Variants in CCDC148 observed in about 807,000 individuals in gnomAD.
CCDC148 encodes the protein coiled-coil domain containing 148, also known as coiled-coil domain-containing protein 148.
In CCDC148, 89 loss-of-function variants were observed where a neutral mutation model predicts 85.7. The observed-to-expected ratio is 1.04, with a 90% CI of 0.87 to 1.24. The LOEUF (loss-of-function observed/expected upper bound fraction) is 1.24. Ranked by LOEUF, CCDC148 falls within the 50% of genes most tolerant of loss-of-function variation. CCDC148 has a pLI of 0.00. For missense variants in CCDC148, 692 were observed against 671.7 expected, an observed-to-expected ratio of 1.03 and a Z score of -0.33; for synonymous variants, 230 against 213.9, an observed-to-expected ratio of 1.08 and a Z score of -0.66.
At chr2:158,366,563 T>C (rs1684213179) in intron 1 of CCDC148, among the ~76,000 whole-genome samples, 1 of 152,178 alleles carries the variant, frequency 6.6e-6, no homozygotes, top group South Asian at 2.1e-4. Context: ...AGGACTCAGC[T>C]GCAGAGAAGA....
In CCDC148 at chr2:158,237,176, A is replaced by G. The variant is rs560757030; in HGVS notation, c.1251+13596T>C. On this transcript the variant is annotated intron_variant, in intron 10 of 13. Transcript: ENST00000283233. The stretch of plus-strand genomic sequence containing the variant: ...AGTAGGTTGCTTGGGCTGGAGCTCA[A>G]CGATGGGAAGAGGAGTAGGATATGA... Among the ~76,000 whole-genome samples the G allele has an allele frequency of 1.9e-4, 29 of 152,264 alleles. No homozygotes were observed. In the South Asian group the frequency reaches 6.0e-3, roughly 32 times the overall value.
At chr2:158,367,830 T>G (rs951975780) in intron 1 of CCDC148, among the ~76,000 whole-genome samples, 2 of 152,152 alleles carry the variant, frequency 1.3e-5, no homozygotes, top group Non-Finnish European at 2.9e-5. Flanking sequence ...TGAGGGCCTG[T>G]GAACTAAAGC....
intron 9 of CCDC148, among the ~76,000 whole-genome samples, chr2:158,292,615 G>A (rs1197977947): frequency 1.3e-5 from 2 of 152,120 alleles, no homozygotes; most frequent in Non-Finnish European, 2.9e-5. Flanking sequence ...ACTGCCTAAA[G>A]TTTCCCTAAT....
intron 1 of CCDC148, chr2:158,425,190 A>C (rs569014926): frequency 3.8e-6 from 2 of 530,580 alleles, no homozygotes; most frequent in Non-Finnish European, 3.8e-6. Flanking sequence ...TGCTGGGTAT[A>C]ACTATAGGAA....
intron 1 of CCDC148, among the ~76,000 whole-genome samples, chr2:158,361,334 G>T (rs576380930): frequency 6.6e-6 from 1 of 152,214 alleles, no homozygotes; most frequent in African/African-American, 2.4e-5. Flanking sequence ...ACACCACAAA[G>T]ATTTTGCTTG....
chr2:158,339,894 T>C (rs1212647346), intron 5 of CCDC148, among the ~76,000 whole-genome samples: 3 of 152,146 alleles, frequency 2.0e-5, no homozygotes, highest in Admixed American at 6.5e-5. Flanking sequence ...TAGAAGGACT[T>C]ATGTACTCAC....
chr2:158,429,611 T>C (rs1290945035), intron 1 of CCDC148, among the ~76,000 whole-genome samples: 1 of 152,064 alleles, frequency 6.6e-6, no homozygotes, highest in Non-Finnish European at 1.5e-5. Flanking sequence ...TAAACAAAAA[T>C]GTAAATTGTT....
intron 1 of CCDC148, among the ~76,000 whole-genome samples, chr2:158,433,085 A>ATAT (rs1553521565): frequency 4.3e-5 from 2 of 46,600 alleles, no homozygotes; most frequent in South Asian, 1.4e-3. Context: ...AAAAAAAAAA[A>ATAT]AAAAAAATAT....
intron 9 of CCDC148, among the ~76,000 whole-genome samples, chr2:158,276,750 T>C (rs1450729729): frequency 1.3e-5 from 2 of 152,202 alleles, no homozygotes; most frequent in Admixed American, 1.3e-4. Flanking sequence ...AAGAAGGCAT[T>C]TGATACGGTC....
intron 1 of CCDC148, among the ~76,000 whole-genome samples, chr2:158,373,970 T>A (rs1684552792): frequency 2.0e-5 from 3 of 152,072 alleles, no homozygotes; most frequent in Non-Finnish European, 2.9e-5. Flanking sequence ...CAATACATAT[T>A]TGCTGAAAGA....
chr2:158,261,003 T>TAA (rs70990701), intron 9 of CCDC148, among the ~76,000 whole-genome samples: 2 of 151,464 alleles, frequency 1.3e-5, no homozygotes, highest in Non-Finnish European at 2.9e-5. Context: ...TTCACAGAAC[T>TAA]AAAAAAACTA....
In CCDC148 at chr2:158,328,261, GTGTT is replaced by G. The variant is rs746050140; in HGVS notation, c.764+10461_764+10464del. ...TCCCACCTATGACTGAGAACATGCTGTGTTTGTTTTTTTGTCCTTGCAATAGTTT... is the reference window on the plus strand; with the variant it reads ...TCCCACCTATGACTGAGAACATGCTGTGTTTTTTTGTCCTTGCAATAGTTT... On this transcript the variant is annotated intron_variant, in intron 7 of 13. Transcript: ENST00000283233. Among the ~76,000 whole-genome samples the G allele has an allele frequency of 7.2e-5, 11 of 152,150 alleles. No individual in the cohort carries two copies. The East Asian group carries it at 1.2e-3, about 16-fold the overall frequency.
At chr2:158,177,753 G>A (rs1328820211) in intron 12 of CCDC148, among the ~76,000 whole-genome samples, 2 of 152,102 alleles carry the variant, frequency 1.3e-5, no homozygotes, top group Admixed American at 1.3e-4. Flanking sequence ...CAAAGAAGAT[G>A]ATGATATAAT....
At chr2:158,237,255 T>C (rs1249724981) in intron 10 of CCDC148, among the ~76,000 whole-genome samples, 3 of 152,164 alleles carry the variant, frequency 2.0e-5, no homozygotes, top group Non-Finnish European at 4.4e-5. Context: ...GGGCCCTGTA[T>C]GTCCCTTCTA....
chr2:158,440,026 T>A (rs972765734), intron 1 of CCDC148, among the ~76,000 whole-genome samples: 1 of 134,742 alleles, frequency 7.4e-6, no homozygotes, highest in Non-Finnish European at 1.7e-5. Context: ...ACCCAGATAT[T>A]TTTTTTTTTT....
intron 10 of CCDC148, among the ~76,000 whole-genome samples, chr2:158,223,197 C>T (rs1346876996): frequency 1.3e-5 from 2 of 152,142 alleles, no homozygotes; most frequent in South Asian, 2.1e-4. Context: ...GAGGGTCCTA[C>T]GCCCACGGAT....
At chr2:158,289,145 T>A (rs184634101) in intron 9 of CCDC148, among the ~76,000 whole-genome samples, 1 of 152,222 alleles carries the variant, frequency 6.6e-6, no homozygotes, top group East Asian at 1.9e-4. Flanking sequence ...CCAAACTATA[T>A]CAATGACTTT....
At chr2:158,393,168 T>C (rs555379219) in intron 1 of CCDC148, 10 of 152,158 alleles carry the variant, frequency 6.6e-5, no homozygotes, top group African/African-American at 2.2e-4. Flanking sequence ...CCTGGAATAA[T>C]AGGGGAACTG....
Position 158,436,239 on chromosome 2 carries a change from T to A in CCDC148, c.25+20176A>T, listed in dbSNP as rs576850627. On this transcript the variant is annotated intron_variant, in intron 1 of 13. Transcript: ENST00000283233. ...CACATAGTTGGAAGTAAAGCACTCCTCAGCAAACGTCAAAGAACAGAAATT... is the reference window on the plus strand; with the variant it reads ...CACATAGTTGGAAGTAAAGCACTCCACAGCAAACGTCAAAGAACAGAAATT... 1.2e-3 allele frequency among the ~76,000 whole-genome samples: 180 copies of A among 152,218 alleles called. 1 individual carries two copies. Among genetic ancestry groups the A allele is most frequent in the Admixed American group, 2.9e-3 (44 of 15,274 alleles).
Sources: gnomAD v4.1 joint callset for allele counts (sites outside exome capture counted in the v4.1 genomes callset) on GRCh38, gnomAD v4.1.1 for gene constraint, MANE v1.5 for transcripts, NCBI Gene and HGNC (gene_info 2026-07-23, HGNC 2026-07-21) for gene names.